LRP1B: variants seen among roughly 807,000 people sequenced by gnomAD.
LRP1B encodes the protein LDL receptor related protein 1B.
Under a neutral mutation model 556.6 loss-of-function variants are expected in LRP1B, and 217 were observed. That is an observed-to-expected ratio of 0.39 (90% confidence interval 0.35 to 0.44). The LOEUF (loss-of-function observed/expected upper bound fraction) is 0.44. LRP1B is among the 20% of genes least tolerant of loss of function. LRP1B has a pLI of 1.00. For missense variants in LRP1B, 5,053 were observed against 5,620.8 expected, an observed-to-expected ratio of 0.90 and a Z score of 3.23; for synonymous variants, 2,047 against 1,865.8, an observed-to-expected ratio of 1.10 and a Z score of -2.50.
At chr2:141,159,803 A>G (rs1679922443) in intron 7 of LRP1B, among the ~76,000 whole-genome samples, 1 of 152,198 alleles carries the variant, frequency 6.6e-6, no homozygotes, top group Non-Finnish European at 1.5e-5. Flanking sequence ...TTAAAAATAT[A>G]TGGCAATAAT....
chr2:141,949,395 A>T (rs943607437), intron 1 of LRP1B, among the ~76,000 whole-genome samples: 4 of 152,104 alleles, frequency 2.6e-5, no homozygotes, highest in African/African-American at 9.7e-5. Context: ...AATAAAAATT[A>T]TCCATATATA....
At chr2:140,297,157 A>G (rs2104998860) in intron 84 of LRP1B, among the ~76,000 whole-genome samples, 1 of 152,272 alleles carries the variant, frequency 6.6e-6, no homozygotes, top group East Asian at 1.9e-4. Flanking sequence ...AAAGACAAGT[A>G]CATGGGCATA....
intron 59 of LRP1B, among the ~76,000 whole-genome samples, chr2:140,478,144 C>CTT (rs35948232): frequency 1.8e-4 from 11 of 62,742 alleles, no homozygotes; most frequent in African/African-American, 4.0e-4. Flanking sequence ...TATAACTTAA[C>CTT]TTTTTTTTTT....
At chr2:140,928,956 T>C (rs565744804) in intron 20 of LRP1B, among the ~76,000 whole-genome samples, 37 of 152,232 alleles carry the variant, frequency 2.4e-4, no homozygotes, top group African/African-American at 8.2e-4. Context: ...GTGACTCTTG[T>C]AGAGATTTAT....
chr2:140,751,185 G>A (rs545403366), intron 35 of LRP1B, among the ~76,000 whole-genome samples: 15 of 151,996 alleles, frequency 9.9e-5, no homozygotes, highest in African/African-American at 3.4e-4. Context: ...TAGAGACGGG[G>A]TTTCACCATG....
At chr2:141,082,106 C>T (rs1699937487) in intron 7 of LRP1B, among the ~76,000 whole-genome samples, 1 of 141,632 alleles carries the variant, frequency 7.1e-6, no homozygotes, top group Non-Finnish European at 1.5e-5. Flanking sequence ...GAGAAAGTCT[C>T]TATAGCTCCA....
At chr2:141,440,278 C>T (rs1035515384) in intron 3 of LRP1B, among the ~76,000 whole-genome samples, 5 of 152,202 alleles carry the variant, frequency 3.3e-5, no homozygotes, top group African/African-American at 1.2e-4. Flanking sequence ...AGACGACTGG[C>T]TATTTAGAGG....
chr2:140,558,799 G>A (rs1333882672), intron 43 of LRP1B, among the ~76,000 whole-genome samples: 1 of 151,882 alleles, frequency 6.6e-6, no homozygotes, highest in African/African-American at 2.4e-5. Flanking sequence ...AGCTGGGTGT[G>A]GTGCCATGTG....
chr2:140,654,355 G>A (rs1684799926), intron 41 of LRP1B, among the ~76,000 whole-genome samples: 1 of 152,046 alleles, frequency 6.6e-6, no homozygotes, highest in Non-Finnish European at 1.5e-5. Context: ...TAACAAGGAT[G>A]AATAATTTCT....
intron 2 of LRP1B, among the ~76,000 whole-genome samples, chr2:141,743,501 C>CTTTTTTTTTTTTTTTTTTTTTTTTTTTT (rs796287062): frequency 6.7e-5 from 8 of 119,042 alleles, no homozygotes; most frequent in Non-Finnish European, 9.8e-5. Context: ...TTTTTTTTTT[C>CTTTTTTTTTTTTTTTTTTTTTTTTTTTT]TTTTTTTTTT....
chr2:140,313,779 T>C (rs1684405023), intron 83 of LRP1B, among the ~76,000 whole-genome samples: 2 of 152,002 alleles, frequency 1.3e-5, no homozygotes, highest in Middle Eastern at 3.4e-3. Context: ...TTTTCTGTAG[T>C]AACAGAATAT....
chr2:141,050,086 A>G (rs937748796), intron 10 of LRP1B, among the ~76,000 whole-genome samples: 1 of 151,948 alleles, frequency 6.6e-6, no homozygotes, highest in Non-Finnish European at 1.5e-5. Context: ...GGAAAAACAT[A>G]CTGAGCTTTA....
intron 43 of LRP1B, among the ~76,000 whole-genome samples, chr2:140,592,177 C>A (rs1682254658): frequency 6.6e-6 from 1 of 151,870 alleles, no homozygotes; most frequent in African/African-American, 2.4e-5. Flanking sequence ...TTTATAAAGG[C>A]AGATATAATA....
intron 37 of LRP1B, 53 bp from the exon 38 acceptor site, chr2:140,702,606 C>A (rs2105431313): frequency 6.5e-7 from 1 of 1,540,472 alleles, no homozygotes; most frequent in Non-Finnish European, 8.9e-7. Flanking sequence ...TTGTAGTATG[C>A]AGAGCTATGC....
intron 33 of LRP1B, among the ~76,000 whole-genome samples, chr2:140,775,452 A>AT (rs35557716): frequency 0.35 from 47,135 of 135,646 alleles, 8,151 homozygotes; most frequent in East Asian, 0.42. Flanking sequence ...AGTACAGTAT[A>AT]TTTTTTTTTG....
At chr2:140,532,929 G>GATATATATATACATATATATATAT (rs1690765480) in intron 47 of LRP1B, among the ~76,000 whole-genome samples, 4 of 50,412 alleles carry the variant, frequency 7.9e-5, no homozygotes, top group East Asian at 9.8e-4. Context: ...CACAGCACAA[G>GATATATATATACATATATATATAT]ATATATATAT....
At chr2:140,769,859 T>C (rs909910748) in intron 34 of LRP1B, among the ~76,000 whole-genome samples, 2 of 151,870 alleles carry the variant, frequency 1.3e-5, no homozygotes, top group African/African-American at 2.4e-5. Context: ...AAGTTAGTCT[T>C]CATAAATCTT....
At chr2:141,814,344 C>G (rs1322634272) in intron 1 of LRP1B, among the ~76,000 whole-genome samples, 2 of 152,146 alleles carry the variant, frequency 1.3e-5, no homozygotes, top group African/African-American at 4.8e-5. Flanking sequence ...TACCGAGGAC[C>G]TGCCCTAACT....
intron 6 of LRP1B, among the ~76,000 whole-genome samples, chr2:141,199,754 A>T (rs1192685095): frequency 6.6e-6 from 1 of 152,226 alleles, no homozygotes; most frequent in Non-Finnish European, 1.5e-5. Flanking sequence ...CCCATTAAAA[A>T]GTGGGCAAAG....
Sources: gnomAD v4.1 joint callset for allele counts (sites outside exome capture counted in the v4.1 genomes callset) on GRCh38, gnomAD v4.1.1 for gene constraint, MANE v1.5 for transcripts, NCBI Gene and HGNC (gene_info 2026-07-23, HGNC 2026-07-21) for gene names.